ESCO1: variants seen among roughly 807,000 people sequenced by gnomAD.
The protein encoded by ESCO1 is N-acetyltransferase ESCO1.
ESCO1 carries 33 observed loss-of-function variants against 83.5 expected under a neutral mutation model. The ratio of observed to expected loss-of-function variants is 0.40; its 90% confidence interval spans 0.30 to 0.53. ESCO1 has a LOEUF of 0.53. ESCO1 is among the 20% of genes least tolerant of loss of function. The probability of loss-of-function intolerance (pLI) is 0.63; values close to 1 mark genes in which losing one functional copy is unlikely to be tolerated. For missense variants in ESCO1, 855 were observed against 968.0 expected (o/e 0.88, Z 1.55); for synonymous variants, 332 against 324.3 (o/e 1.02, Z -0.25).
At chr18:21,579,420 C>A (rs1372177562) in intron 2 of ESCO1, among the ~76,000 whole-genome samples, 1 of 151,436 alleles carries the variant, frequency 6.6e-6, no homozygotes, top group Non-Finnish European at 1.5e-5. Context: ...TACGATCATA[C>A]CACTGCACTC....
chr18:21,592,758 G>A (rs1191627787), intron 1 of ESCO1, among the ~76,000 whole-genome samples: 2 of 151,330 alleles, frequency 1.3e-5, no homozygotes, highest in Non-Finnish European at 3.0e-5. Context: ...CTCAGACGGG[G>A]CGGCTGCCGG....
chr18:21,592,238 T>G (rs1316253406), intron 1 of ESCO1, among the ~76,000 whole-genome samples: 1 of 149,522 alleles, frequency 6.7e-6, no homozygotes, highest in Non-Finnish European at 1.5e-5. Flanking sequence ...CACTTCCCAG[T>G]AGGGGCGGCC....
chr18:21,585,307 G>A (rs2038559689), intron 1 of ESCO1, among the ~76,000 whole-genome samples: 1 of 152,032 alleles, frequency 6.6e-6, no homozygotes, highest in African/African-American at 2.4e-5. Context: ...GCCTTATTTT[G>A]GCCTCGGTGG....
rs1361861526 is a variant in ESCO1, at chr18:21,573,909, C to G, written c.935G>C (p.Gly312Ala). 6.2e-7 allele frequency: 1 copy of G among 1,614,088 alleles called. No individual in the cohort carries two copies. Among genetic ancestry groups the G allele is most frequent in the South Asian group, 1.1e-5 (1 of 91,082 alleles). Residue 312 changes from glycine to alanine, a missense_variant, in exon 4 of 12, where the codon GGT (glycine) becomes GCT (alanine). Gly to Ala is a moderately conservative substitution (Grantham distance 60). Transcript: ENST00000269214. ...CTCTACATTATCTGACTCAATTTCACCAGCAATTTCTTCACAGAGCTGGAG... is the reference window on the plus strand; with the variant it reads ...CTCTACATTATCTGACTCAATTTCAGCAGCAATTTCTTCACAGAGCTGGAG... ...SILQLCEEIA[G>A]EIESDNVEVK...
intron 8 of ESCO1, among the ~76,000 whole-genome samples, chr18:21,555,173 T>A (rs980016454): frequency 1.3e-5 from 2 of 152,172 alleles, no homozygotes; most frequent in African/African-American, 4.8e-5. Context: ...CAGAAAAGGC[T>A]ACATACTATA....
At chr18:21,593,958 C>T (rs2038723663) in intron 1 of ESCO1, among the ~76,000 whole-genome samples, 1 of 152,144 alleles carries the variant, frequency 6.6e-6, no homozygotes. Context: ...TTTTCCAACT[C>T]ACCACTATTA....
At position 21,574,082 on chromosome 18, in the gene ESCO1, T is replaced by G. The variant is rs1241630912; in HGVS notation, c.762A>C (p.Ser254=). The G allele has an allele frequency of 6.2e-7, 1 of 1,612,966 alleles. No individual in the cohort carries two copies. The highest frequency in any genetic ancestry group is 1.7e-5 in the Admixed American group (1 of 59,996). The stretch of plus-strand genomic sequence containing the variant: ...TCATCTCATTCTTTTTCGGGACCAC[T>G]GAAGTAGCCATTTTTGATCTTTTCA... ...SEVKRSKMAT[S]VVPKKNEMKK... The change falls in exon 4 of 12, where the codon TCA becomes TCC. Residue 254 remains serine, a synonymous_variant. Transcript: ENST00000269214.
intron 4 of ESCO1, among the ~76,000 whole-genome samples, chr18:21,568,810 G>A (rs995399940): frequency 6.6e-6 from 1 of 151,784 alleles, no homozygotes; most frequent in Admixed American, 6.6e-5. Flanking sequence ...GGCTGAGGCA[G>A]GAGAATCACT....
At chr18:21,558,808 A>T (rs1315145192) in intron 8 of ESCO1, among the ~76,000 whole-genome samples, 1 of 152,164 alleles carries the variant, frequency 6.6e-6, no homozygotes, top group Admixed American at 6.5e-5. Context: ...TAAGTAGAAC[A>T]AAACTTTATT....
intron 2 of ESCO1, among the ~76,000 whole-genome samples, chr18:21,582,833 C>G (rs556868759): frequency 6.6e-6 from 1 of 152,244 alleles, no homozygotes; most frequent in Admixed American, 6.5e-5. Context: ...TACATTACTA[C>G]AAATGATTCA....
intron 10 of ESCO1, 149 bp from the exon 11 acceptor site, chr18:21,532,809 A>G: frequency 1.5e-6 from 1 of 678,532 alleles, no homozygotes. Flanking sequence ...GAAACAGACA[A>G]TCTGGATCTG....
At chr18:21,559,109 T>C (rs1329657703) in intron 8 of ESCO1, among the ~76,000 whole-genome samples, 1 of 152,188 alleles carries the variant, frequency 6.6e-6, no homozygotes, top group Non-Finnish European at 1.5e-5. Flanking sequence ...AATACCACAA[T>C]GTTTTGGAAG....
At chr18:21,580,083 G>A (rs1181272201) in intron 2 of ESCO1, among the ~76,000 whole-genome samples, 2 of 151,636 alleles carry the variant, frequency 1.3e-5, no homozygotes, top group Non-Finnish European at 2.9e-5. Flanking sequence ...ATTTTTAGTA[G>A]AGACGGGTTT....
intron 1 of ESCO1, among the ~76,000 whole-genome samples, chr18:21,595,338 T>G (rs1223616280): frequency 1.7e-4 from 21 of 122,746 alleles, no homozygotes; most frequent in African/African-American, 6.1e-4. Flanking sequence ...CACTCCAGCC[T>G]GGGCTGTAAG....
chr18:21,588,159 G>A (rs1187610921), intron 1 of ESCO1, among the ~76,000 whole-genome samples: 1 of 149,118 alleles, frequency 6.7e-6, no homozygotes, highest in African/African-American at 2.5e-5. Context: ...CAGATATCAA[G>A]ATTTACTATA....
intron 1 of ESCO1, among the ~76,000 whole-genome samples, chr18:21,590,440 A>G (rs1426898146): frequency 7.0e-6 from 1 of 142,716 alleles, no homozygotes; most frequent in East Asian, 2.2e-4. Flanking sequence ...CAGGCTGATC[A>G]TGAACTCCTG....
intron 2 of ESCO1, among the ~76,000 whole-genome samples, chr18:21,580,259 A>T (rs2038484139): frequency 6.6e-6 from 1 of 152,116 alleles, no homozygotes; most frequent in Non-Finnish European, 1.5e-5. Context: ...AAAACTTTTT[A>T]ATTTTTAAAA....
chr18:21,532,400 C>G, intron 11 of ESCO1, 73 bp downstream of exon 11: 1 of 1,460,844 alleles, frequency 6.8e-7, no homozygotes, highest in African/African-American at 1.4e-5. Flanking sequence ...TAATTAAATG[C>G]CAATCTTTAC....
At chr18:21,564,518 G>C (rs1380720011) in intron 6 of ESCO1, among the ~76,000 whole-genome samples, 4 of 151,412 alleles carry the variant, frequency 2.6e-5, no homozygotes, top group African/African-American at 9.7e-5. Context: ...AGCCTCCTGA[G>C]TAGCTGGGAC....
Sources: allele counts gnomAD v4.1 joint callset (sites outside exome capture counted in the v4.1 genomes callset), GRCh38; gene constraint gnomAD v4.1.1; transcripts MANE v1.5; gene names NCBI Gene and HGNC (gene_info 2026-07-23, HGNC 2026-07-21).